Variants in SEMA3A observed in about 807,000 individuals in gnomAD.
The protein encoded by SEMA3A is semaphorin 3A.
In SEMA3A, 29 loss-of-function variants were observed where a neutral mutation model predicts 97.9. The ratio of observed to expected loss-of-function variants is 0.30; its 90% CI spans 0.22 to 0.40. SEMA3A has a LOEUF of 0.40. Ranked by LOEUF, SEMA3A falls within the 10% of genes least tolerant of loss-of-function variation. The pLI is 1.00. For synonymous variants in SEMA3A, 321 were observed against 323.7 expected (o/e 0.99, Z 0.09); for missense variants, 763 against 951.3 (o/e 0.80, Z 2.60).
chr7:84,351,656 A>G (rs1398316482), intron 2 of SEMA3A, among the ~76,000 whole-genome samples: 2 of 152,296 alleles, frequency 1.3e-5, no homozygotes, highest in Middle Eastern at 3.4e-3. Context: ...AATGAAAATC[A>G]AAACTAAAAT....
chr7:83,991,609 T>G (rs1789941357), intron 12 of SEMA3A, among the ~76,000 whole-genome samples: 1 of 152,036 alleles, frequency 6.6e-6, no homozygotes, highest in African/African-American at 2.4e-5. Context: ...TCTCTTTATA[T>G]GCTGGATTAC....
intron 1 of SEMA3A, among the ~76,000 whole-genome samples, chr7:84,424,606 AT>A (rs1193762310): frequency 4.2e-5 from 2 of 48,052 alleles, no homozygotes; most frequent in African/African-American, 1.4e-4. Flanking sequence ...ATAAATATTA[AT>A]ATATAATATA....
In SEMA3A at chr7:83,960,070, A is replaced by C. The variant is rs555980744; in HGVS notation, c.*1301T>G. On this transcript the variant is annotated 3_prime_UTR_variant, in exon 17 of 17. Coordinates refer to ENST00000265362, the MANE Select transcript of SEMA3A (RefSeq NM_006080.3). ...ATTGTCTTAAATAAGGAAAGGTAAG[A>C]GGCACCTGATACAGATGTAAATGAT... 2 of 152,204 alleles carry C rather than the reference A, an allele frequency of 1.3e-5. No homozygotes were observed. The highest frequency in any genetic ancestry group is 3.9e-4 in the East Asian group (2 of 5,182). 9.4% of individuals were successfully genotyped at this position (152,204 alleles called of 1,614,324 possible).
chr7:84,472,016 C>T, intron 1 of SEMA3A, among the ~76,000 whole-genome samples: 1 of 151,526 alleles, frequency 6.6e-6, no homozygotes, highest in East Asian at 1.9e-4. Flanking sequence ...AAATTTAATA[C>T]AGTTTTAAGA....
At chr7:84,149,912 C>T (rs1342659631) in intron 1 of SEMA3A, among the ~76,000 whole-genome samples, 1 of 152,086 alleles carries the variant, frequency 6.6e-6, no homozygotes, top group East Asian at 1.9e-4. Context: ...TTTAATAAAC[C>T]TTCGTGGCAG....
chr7:84,143,950 AACACACACACACACACAC>A (rs796470836), intron 1 of SEMA3A, among the ~76,000 whole-genome samples: 8 of 94,652 alleles, frequency 8.5e-5, no homozygotes, highest in African/African-American at 1.8e-4. Context: ...CTCTCTCTCT[AACACACACACACACACAC>A]ACACACACAC....
chr7:84,143,388 A>G (rs1796356558), intron 1 of SEMA3A, among the ~76,000 whole-genome samples: 1 of 152,228 alleles, frequency 6.6e-6, no homozygotes, highest in Non-Finnish European at 1.5e-5. Flanking sequence ...AACTTGAAAC[A>G]TTTTGATATA....
In SEMA3A at chr7:84,323,319, G is replaced by C. The variant is rs931439934; in HGVS notation, c.-168-16027C>G. 4.6e-5 allele frequency among the ~76,000 whole-genome samples: 7 copies of C among 152,002 alleles called. No homozygotes were observed. In the East Asian group the frequency reaches 1.2e-3, roughly 25 times the overall value. ...CAAAAGATGCAATTCACTGTGGTAG[G>C]GTTGCTAAAGTTTGCTAATATTCAT... is the stretch of plus-strand genomic sequence containing the variant. On this transcript the variant is annotated intron_variant, in intron 2 of 3. Coordinates refer to the SEMA3A transcript ENST00000424555.
At chr7:84,204,530 T>G (rs1423823639) in intron 3 of SEMA3A, among the ~76,000 whole-genome samples, 1 of 152,064 alleles carries the variant, frequency 6.6e-6, no homozygotes, top group African/African-American at 2.4e-5. Flanking sequence ...GGAGAAAAAT[T>G]AGTGACTCCG....
intron 11 of SEMA3A, among the ~76,000 whole-genome samples, chr7:84,004,859 C>T (rs1790601219): frequency 6.6e-6 from 1 of 152,098 alleles, no homozygotes; most frequent in African/African-American, 2.4e-5. Flanking sequence ...TCTTAGTATA[C>T]ATTTGACCCT....
At position 83,961,295 on chromosome 7, in the gene SEMA3A, T is replaced by C. The variant is rs1362491861; in HGVS notation, c.*76A>G. On this transcript the variant is annotated 3_prime_UTR_variant, in exon 17 of 17. Transcript: ENST00000265362. ...CACATAATGCCATGAAAAAAGTTCA[T>C]GTATATTGCATTTGTTTTTCCAGTT... 2 of 1,164,344 alleles carry C rather than the reference T, an allele frequency of 1.7e-6. No individual in the cohort carries two copies. Among genetic ancestry groups the C allele is most frequent in the South Asian group, 1.3e-5 (1 of 78,168 alleles). 72.1% of individuals were successfully genotyped at this position (1,164,344 alleles called of 1,614,324 possible).
chr7:84,267,580 A>C (rs908613822), intron 3 of SEMA3A, among the ~76,000 whole-genome samples: 2 of 152,110 alleles, frequency 1.3e-5, no homozygotes, highest in Non-Finnish European at 2.9e-5. Flanking sequence ...CTATACTTGA[A>C]AATATATACA....
At chr7:84,106,890 AATG>A (rs1311937706) in intron 4 of SEMA3A, among the ~76,000 whole-genome samples, 2 of 152,204 alleles carry the variant, frequency 1.3e-5, no homozygotes, top group Non-Finnish European at 2.9e-5. Context: ...AAAAACAACA[AATG>A]ATGTCTTTTT....
chr7:84,427,649 CAAAAA>C (rs55872394), intron 1 of SEMA3A, among the ~76,000 whole-genome samples: 2 of 72,990 alleles, frequency 2.7e-5, no homozygotes, highest in South Asian at 1.3e-3. Flanking sequence ...GATTCTGTCT[CAAAAA>C]AAAAAAAAAA....
At chr7:84,326,916 G>C (rs969216142) in intron 2 of SEMA3A, among the ~76,000 whole-genome samples, 9 of 152,102 alleles carry the variant, frequency 5.9e-5, no homozygotes, top group African/African-American at 2.2e-4. Flanking sequence ...CATGAGCAAA[G>C]ATTTCATGGC....
chr7:84,078,172 G>A (rs1458749624), intron 4 of SEMA3A, among the ~76,000 whole-genome samples: 1 of 151,902 alleles, frequency 6.6e-6, no homozygotes, highest in African/African-American at 2.4e-5. Context: ...TACAAGATAT[G>A]TATTACAATA....
intron 1 of SEMA3A, among the ~76,000 whole-genome samples, chr7:84,414,394 TAAA>T (rs34408044): frequency 8.9e-6 from 1 of 112,244 alleles, no homozygotes; most frequent in Non-Finnish European, 2.0e-5. Flanking sequence ...TGGCTAAAAG[TAAA>T]AAAAAAAAAA....
At chr7:84,095,540 C>A (rs1247283470) in intron 4 of SEMA3A, among the ~76,000 whole-genome samples, 3 of 150,416 alleles carry the variant, frequency 2.0e-5, no homozygotes, top group Non-Finnish European at 4.4e-5. Flanking sequence ...TTGGCTTATG[C>A]ATTTTATCTT....
At chr7:84,402,025 C>T (rs557393494) in intron 1 of SEMA3A, among the ~76,000 whole-genome samples, 17 of 152,082 alleles carry the variant, frequency 1.1e-4, no homozygotes, top group Non-Finnish European at 2.4e-4. Flanking sequence ...AAAGCTTCTA[C>T]ACAGCAAAGG....
Sources: gnomAD v4.1 joint callset for allele counts (sites outside exome capture counted in the v4.1 genomes callset) on GRCh38, gnomAD v4.1.1 for gene constraint, MANE v1.5 for transcripts, NCBI Gene and HGNC (gene_info 2026-07-23, HGNC 2026-07-21) for gene names.